Variants in STARD6 observed in about 807,000 individuals in gnomAD.
STARD6 encodes the protein stAR-related lipid transfer protein 6.
In STARD6, 21 loss-of-function variants were observed where a neutral mutation model predicts 22.3. That is an observed-to-expected ratio of 0.94 (90% CI 0.67 to 1.35). STARD6 has a LOEUF of 1.35. Ranked by LOEUF, STARD6 falls within the 40% of genes most tolerant of loss-of-function variation. The probability of loss-of-function intolerance (pLI) is 0.00; values close to 1 mark genes in which losing one functional copy is unlikely to be tolerated. For missense variants in STARD6, 269 were observed against 266.9 expected (o/e 1.01, Z -0.05); for synonymous variants, 80 against 88.1 (o/e 0.91, Z 0.52).
At chr18:54,350,994 G>T (rs1279093531) in intron 4 of STARD6, among the ~76,000 whole-genome samples, 1 of 152,054 alleles carries the variant, frequency 6.6e-6, no homozygotes, top group East Asian at 1.9e-4. Flanking sequence ...CGAATTTTAG[G>T]ATTGTTTTTT....
chr18:54,346,754 A>G (rs1434286077), intron 4 of STARD6, among the ~76,000 whole-genome samples: 1 of 152,154 alleles, frequency 6.6e-6, no homozygotes, highest in Non-Finnish European at 1.5e-5. Context: ...AAGCTACAAC[A>G]TGGGTAAACC....
At chr18:54,353,655 T>C (rs958120485) in intron 4 of STARD6, among the ~76,000 whole-genome samples, 3 of 152,218 alleles carry the variant, frequency 2.0e-5, no homozygotes, top group African/African-American at 7.2e-5. Flanking sequence ...CAAGACCCTG[T>C]CTCAAGAAAA....
At chr18:54,333,905 A>T (rs950319620) in intron 5 of STARD6, among the ~76,000 whole-genome samples, 1 of 152,208 alleles carries the variant, frequency 6.6e-6, no homozygotes, top group African/African-American at 2.4e-5. Context: ...TTACAAATGC[A>T]ATCATTTGTG....
At chr18:54,344,059 C>G (rs2089012350) in intron 4 of STARD6, among the ~76,000 whole-genome samples, 1 of 46,366 alleles carries the variant, frequency 2.2e-5, no homozygotes, top group Non-Finnish European at 3.6e-5. Flanking sequence ...GGCCACCACC[C>G]CGTCTGGGAG....
intron 2 of STARD6, among the ~76,000 whole-genome samples, chr18:54,355,010 T>G (rs10164112): frequency 2.6e-5 from 4 of 152,034 alleles, no homozygotes; most frequent in Non-Finnish European, 5.9e-5. Context: ...TAATCACACG[T>G]CCTTTGTCTT....
chr18:54,346,217 C>T (rs1050533901), intron 4 of STARD6, among the ~76,000 whole-genome samples: 22 of 151,900 alleles, frequency 1.4e-4, no homozygotes, highest in South Asian at 1.0e-3. Context: ...TCCAACTCAA[C>T]GATAAAAAGA....
At chr18:54,354,178 G>A (rs962894859) in intron 3 of STARD6, 75 bp from the exon 4 acceptor site, 89 of 953,544 alleles carry the variant, frequency 9.3e-5, no homozygotes, top group Non-Finnish European at 1.3e-4. Context: ...ACTAACAAAA[G>A]TAAAAACACT....
chr18:54,353,337 T>C (rs2089114676), intron 4 of STARD6, among the ~76,000 whole-genome samples: 1 of 152,202 alleles, frequency 6.6e-6, no homozygotes, highest in African/African-American at 2.4e-5. Flanking sequence ...CTTAAAAGTA[T>C]ATTTAAAAGA....
intron 4 of STARD6, among the ~76,000 whole-genome samples, chr18:54,340,010 C>T (rs2088955869): frequency 6.6e-6 from 1 of 152,054 alleles, no homozygotes; most frequent in Admixed American, 6.5e-5. Flanking sequence ...TAACTCAAAT[C>T]CACAGAAACC....
At chr18:54,352,601 G>A (rs1255002432) in intron 4 of STARD6, among the ~76,000 whole-genome samples, 2 of 152,114 alleles carry the variant, frequency 1.3e-5, no homozygotes, top group Non-Finnish European at 2.9e-5. Flanking sequence ...TGTTTAAGTA[G>A]CTAAGTTATG....
chr18:54,343,433 C>T (rs1410735913), intron 4 of STARD6, among the ~76,000 whole-genome samples: 2 of 137,562 alleles, frequency 1.5e-5, no homozygotes, highest in East Asian at 4.3e-4. Flanking sequence ...GGTCAGCCCC[C>T]TGCCCGGCCA....
intron 6 of STARD6, among the ~76,000 whole-genome samples, chr18:54,330,710 C>T (rs2088858626): frequency 6.6e-6 from 1 of 152,010 alleles, no homozygotes; most frequent in South Asian, 2.1e-4. Context: ...TGGTTGATTA[C>T]CTCTAGTTGT....
At chr18:54,336,975 T>A (rs1378866657) in intron 5 of STARD6, 150 bp downstream of exon 5, 1 of 595,738 alleles carries the variant, frequency 1.7e-6, no homozygotes, top group Non-Finnish European at 2.7e-6. Context: ...TGTTGGAAAG[T>A]AGGGAAGTTT....
chr18:54,328,118 G>T (rs868298536), intron 7 of STARD6, among the ~76,000 whole-genome samples: 7 of 152,092 alleles, frequency 4.6e-5, no homozygotes, highest in African/African-American at 1.7e-4. Context: ...TATACATAGG[G>T]TTTGGTACTA....
At chr18:54,357,705 G>A (rs1248482696) in intron 1 of STARD6, 87 bp downstream of exon 1, 1 of 152,572 alleles carries the variant, frequency 6.6e-6, no homozygotes, top group Non-Finnish European at 1.5e-5. Flanking sequence ...TAGCTGTGAC[G>A]GAGGTTGGAA....
intron 3 of STARD6, 181 bp downstream of exon 3, chr18:54,354,303 A>G (rs1470618789): frequency 7.7e-6 from 5 of 650,302 alleles, no homozygotes; most frequent in Admixed American, 3.0e-5. Flanking sequence ...ATCATGGTGC[A>G]TGACAGCCTC....
chr18:54,338,669 A>G (rs2088939263), intron 4 of STARD6, among the ~76,000 whole-genome samples: 1 of 152,112 alleles, frequency 6.6e-6, no homozygotes, highest in African/African-American at 2.4e-5. Flanking sequence ...AGAAACATGA[A>G]AAGTATGATT....
chr18:54,326,588 T>G (rs1297335991), intron 7 of STARD6, among the ~76,000 whole-genome samples: 1 of 151,716 alleles, frequency 6.6e-6, no homozygotes, highest in African/African-American at 2.4e-5. Flanking sequence ...CGCCTCAGCC[T>G]CCCAAAGTGC....
intron 4 of STARD6, among the ~76,000 whole-genome samples, chr18:54,339,073 A>AC (rs1568169813): frequency 7.4e-6 from 1 of 135,556 alleles, no homozygotes; most frequent in Non-Finnish European, 1.5e-5. Context: ...AAAAAAAAAA[A>AC]AAAAAAACTC....
Sources: gnomAD v4.1 joint callset for allele counts (sites outside exome capture counted in the v4.1 genomes callset) on GRCh38, gnomAD v4.1.1 for gene constraint, MANE v1.5 for transcripts, NCBI Gene and HGNC (gene_info 2026-07-23, HGNC 2026-07-21) for gene names.